Variants in MPPED2 observed in about 807,000 individuals in gnomAD.
MPPED2 encodes metallophosphoesterase domain containing 2.
MPPED2 carries 5 observed loss-of-function variants against 33.0 expected under a neutral mutation model. That is an observed-to-expected ratio of 0.15 (90% confidence interval 0.08 to 0.32). MPPED2 has a LOEUF of 0.32. Among genes scored for constraint, MPPED2 ranks in the 10% least tolerant of loss-of-function variants. The probability of loss-of-function intolerance (pLI) is 1.00; values close to 1 mark genes in which losing one functional copy is unlikely to be tolerated. For missense variants in MPPED2, 275 were observed against 372.1 expected (o/e 0.74, Z 2.15); for synonymous variants, 136 against 141.9 (o/e 0.96, Z 0.29).
chr11:30,534,173 C>T (rs892900194), intron 3 of MPPED2, among the ~76,000 whole-genome samples: 5 of 152,178 alleles, frequency 3.3e-5, no homozygotes, highest in Non-Finnish European at 7.3e-5. Flanking sequence ...CCAGCCCTAA[C>T]CTGTCCTCCA....
intron 4 of MPPED2, among the ~76,000 whole-genome samples, chr11:30,466,195 T>C (rs1478320723): frequency 3.3e-5 from 5 of 152,258 alleles, no homozygotes; most frequent in African/African-American, 9.6e-5. Flanking sequence ...TGGATTTCTA[T>C]ATAGAATCTA....
chr11:30,528,185 AGC>A (rs1177067915), intron 3 of MPPED2, among the ~76,000 whole-genome samples: 1 of 152,166 alleles, frequency 6.6e-6, no homozygotes, highest in Non-Finnish European at 1.5e-5. Flanking sequence ...GATACACACC[AGC>A]CATTAACAGT....
chr11:30,504,762 T>A (rs1171910846), intron 3 of MPPED2: 1 of 1,288,678 alleles, frequency 7.8e-7, no homozygotes, highest in South Asian at 1.2e-5. Context: ...ACACAGCAGG[T>A]TCAGACTGCT....
intron 2 of MPPED2, among the ~76,000 whole-genome samples, chr11:30,550,709 A>G (rs1039368644): frequency 1.3e-5 from 2 of 152,140 alleles, no homozygotes; most frequent in African/African-American, 2.4e-5. Context: ...CTAACCAGAA[A>G]GCACAGCCTG....
At chr11:30,421,762 T>C (rs1208129109) in intron 4 of MPPED2, among the ~76,000 whole-genome samples, 1 of 152,144 alleles carries the variant, frequency 6.6e-6, no homozygotes, top group South Asian at 2.1e-4. Context: ...TTTGCTCTCA[T>C]ATATGTAAAG....
chr11:30,447,653 G>A (rs1464238904), intron 4 of MPPED2, among the ~76,000 whole-genome samples: 1 of 152,124 alleles, frequency 6.6e-6, no homozygotes, highest in African/African-American at 2.4e-5. Context: ...AGGTGCAAAC[G>A]GGCATACGAA....
At chr11:30,477,591 T>G (rs994540727) in intron 4 of MPPED2, among the ~76,000 whole-genome samples, 9 of 152,154 alleles carry the variant, frequency 5.9e-5, no homozygotes, top group African/African-American at 2.2e-4. Context: ...TTAACCTTTC[T>G]ATATGTTGTT....
chr11:30,464,883 G>A (rs1214861014), intron 4 of MPPED2, among the ~76,000 whole-genome samples: 3 of 152,130 alleles, frequency 2.0e-5, no homozygotes, highest in Admixed American at 6.5e-5. Context: ...AAGACACCAC[G>A]GATATCTATC....
At chr11:30,535,015 A>T (rs1189720259) in intron 3 of MPPED2, among the ~76,000 whole-genome samples, 1 of 152,242 alleles carries the variant, frequency 6.6e-6, no homozygotes, top group Admixed American at 6.5e-5. Context: ...ACCATACAAA[A>T]TGTGAACAGA....
intron 6 of MPPED2, among the ~76,000 whole-genome samples, chr11:30,413,132 T>A (rs775479778): frequency 1.3e-5 from 2 of 152,240 alleles, no homozygotes; most frequent in Non-Finnish European, 2.9e-5. Context: ...TGGAGCAAAC[T>A]GAATTTTCTC....
chr11:30,409,160 A>G (rs958619117), downstream of MPPED2, among the ~76,000 whole-genome samples: 2 of 152,086 alleles, frequency 1.3e-5, no homozygotes, highest in African/African-American at 4.8e-5. Flanking sequence ...TTACCCACCT[A>G]TCTCTGGGAG....
intron 2 of MPPED2, among the ~76,000 whole-genome samples, chr11:30,558,462 C>T (rs1247727271): frequency 2.6e-5 from 4 of 151,560 alleles, no homozygotes; most frequent in African/African-American, 9.7e-5. Flanking sequence ...TGCCACCAGG[C>T]TGCAGTGCAG....
chr11:30,574,511 A>T (rs2134851699), intron 2 of MPPED2, among the ~76,000 whole-genome samples: 1 of 152,280 alleles, frequency 6.6e-6, no homozygotes, highest in Non-Finnish European at 1.5e-5. Flanking sequence ...GTGACACCAT[A>T]CTTCTTTAAA....
intron 3 of MPPED2, among the ~76,000 whole-genome samples, chr11:30,521,309 T>C (rs1452351845): frequency 2.0e-5 from 3 of 152,202 alleles, no homozygotes; most frequent in African/African-American, 7.2e-5. Context: ...ACCATATGTC[T>C]GGAACTGAAT....
chr11:30,529,734 T>C (rs1213922080), intron 3 of MPPED2, among the ~76,000 whole-genome samples: 1 of 152,192 alleles, frequency 6.6e-6, no homozygotes, highest in Non-Finnish European at 1.5e-5. Context: ...GCTCCAAAAC[T>C]TTGGGCCAAT....
At chr11:30,513,013 A>AG (rs1176516775) in intron 3 of MPPED2, among the ~76,000 whole-genome samples, 141 of 143,894 alleles carry the variant, frequency 9.8e-4, no homozygotes, top group African/African-American at 3.2e-3. Flanking sequence ...CTGTCTCAAA[A>AG]GAAAAAAAAA....
intron 3 of MPPED2, among the ~76,000 whole-genome samples, chr11:30,512,729 A>G (rs961849699): frequency 6.6e-6 from 1 of 152,318 alleles, no homozygotes; most frequent in Non-Finnish European, 1.5e-5. Flanking sequence ...GGCTGGGTGC[A>G]GTGGCTCACG....
At chr11:30,564,584 A>C (rs1440873206) in intron 2 of MPPED2, among the ~76,000 whole-genome samples, 1 of 152,162 alleles carries the variant, frequency 6.6e-6, no homozygotes, top group Non-Finnish European at 1.5e-5. Context: ...CAAGATTCAA[A>C]CTTTGGCAGT....
intron 3 of MPPED2, among the ~76,000 whole-genome samples, chr11:30,522,142 T>C (rs766795537): frequency 1.7e-4 from 26 of 152,130 alleles, no homozygotes; most frequent in Admixed American, 4.6e-4. Flanking sequence ...CTGCAGTGCA[T>C]GATTCTGTAT....
Sources: allele counts gnomAD v4.1 joint callset (sites outside exome capture counted in the v4.1 genomes callset), GRCh38; gene constraint gnomAD v4.1.1; transcripts MANE v1.5; gene names NCBI Gene and HGNC (gene_info 2026-07-23, HGNC 2026-07-21).